CADPS: variants seen among roughly 807,000 people sequenced by gnomAD.
The protein encoded by CADPS is calcium-dependent secretion activator 1.
In CADPS, 57 loss-of-function variants were observed where a neutral mutation model predicts 167.3. The observed-to-expected ratio is 0.34, with a 90% CI of 0.28 to 0.42. The LOEUF (loss-of-function observed/expected upper bound fraction) is 0.42, where lower values mean the gene tolerates loss of function less well. Ranked by LOEUF, CADPS falls within the 20% of genes least tolerant of loss-of-function variation. CADPS has a pLI of 1.00. For synonymous variants in CADPS, 676 were observed against 635.3 expected, an observed-to-expected ratio of 1.06 and a Z score of -0.96; for missense variants, 1,414 against 1,738.1, an observed-to-expected ratio of 0.81 and a Z score of 3.32.
chr3:62,771,893 C>G (rs979295235), intron 1 of CADPS, among the ~76,000 whole-genome samples: 4 of 152,142 alleles, frequency 2.6e-5, no homozygotes, highest in Admixed American at 6.5e-5. Flanking sequence ...GAGGAGAAAA[C>G]GGCATGTTCT....
At chr3:62,687,200 C>T (rs147444432) in intron 3 of CADPS, among the ~76,000 whole-genome samples, 3 of 152,228 alleles carry the variant, frequency 2.0e-5, no homozygotes, top group Non-Finnish European at 2.9e-5. Context: ...CAAATCCCTC[C>T]CATCTGTTCT....
chr3:62,590,908 G>A lies in CADPS; in HGVS notation c.1437+1729C>T, dbSNP rs141265282. Among the ~76,000 whole-genome samples the A allele has an allele frequency of 3.5e-4, 53 of 152,216 alleles. No individual in the cohort carries two copies. In the East Asian group the frequency reaches 0.01, roughly 29 times the overall value. On this transcript the variant is annotated intron_variant, in intron 7 of 29. Transcript: ENST00000383710. ...TCACTCCTGTTGCCCAGGCTAGAGTGCAATGGAGCGATCTTGGCTCATTGC... is the reference window on the plus strand; with the variant it reads ...TCACTCCTGTTGCCCAGGCTAGAGTACAATGGAGCGATCTTGGCTCATTGC...
chr3:62,573,792 T>C (rs1459403420), intron 8 of CADPS, among the ~76,000 whole-genome samples: 1 of 152,188 alleles, frequency 6.6e-6, no homozygotes, highest in South Asian at 2.1e-4. Context: ...TTATTTGTGG[T>C]TATATTTATT....
At chr3:62,409,341 T>C (rs143746733) in intron 28 of CADPS, among the ~76,000 whole-genome samples, 3 of 152,382 alleles carry the variant, frequency 2.0e-5, no homozygotes, top group African/African-American at 7.2e-5. Flanking sequence ...GCTTTGAAGT[T>C]CTCAAAGAAG....
At chr3:62,469,304 C>T (rs73092131) in intron 24 of CADPS, among the ~76,000 whole-genome samples, 2 of 152,272 alleles carry the variant, frequency 1.3e-5, no homozygotes, top group Non-Finnish European at 2.9e-5. Flanking sequence ...GAGTACTCTG[C>T]TTTCACTCCT....
At chr3:62,541,475 A>G (rs1415050827) in intron 11 of CADPS, among the ~76,000 whole-genome samples, 1 of 152,152 alleles carries the variant, frequency 6.6e-6, no homozygotes, top group East Asian at 1.9e-4. Flanking sequence ...AAGAAATTTC[A>G]AGCACTGTCA....
intron 1 of CADPS, among the ~76,000 whole-genome samples, chr3:62,816,234 G>C (rs1009810893): frequency 6.6e-6 from 1 of 152,066 alleles, no homozygotes. Context: ...CATTTTAACT[G>C]TTTCTGAACT....
intron 2 of CADPS, among the ~76,000 whole-genome samples, chr3:62,756,057 CT>C (rs59705571): frequency 1.7e-3 from 242 of 141,950 alleles, no homozygotes; most frequent in East Asian, 3.5e-3. Context: ...TTTTCTTTTT[CT>C]TTTTTTTTTT....
At chr3:62,872,338 C>T (rs1048838044) in intron 1 of CADPS, among the ~76,000 whole-genome samples, 1 of 152,102 alleles carries the variant, frequency 6.6e-6, no homozygotes, top group South Asian at 2.1e-4. Flanking sequence ...GCAAAACACA[C>T]CTCTAGAAAG....
Position 62,421,963 on chromosome 3 carries a change from C to T in CADPS, c.3777+16141G>A, listed in dbSNP as rs2051511472. ...AGCAGGTTGTGTTATTTACATATTT[C>T]TTTTGATAAGCCTCCTTGCCTGGCT... On this transcript the variant is annotated intron_variant, in intron 28 of 29. Transcript: ENST00000383710. This position sits in a 1 kb window ranked among gnomAD's most constrained non-coding sequence, Gnocchi z 4.7. Among the ~76,000 whole-genome samples the T allele has an allele frequency of 6.6e-6, 1 of 152,210 alleles. No individual in the cohort carries two copies. Among genetic ancestry groups the T allele is most frequent in the Non-Finnish European group, 1.5e-5 (1 of 68,034 alleles).
chr3:62,533,565 A>T (rs1299429971), intron 12 of CADPS, among the ~76,000 whole-genome samples: 1 of 152,182 alleles, frequency 6.6e-6, no homozygotes, highest in Non-Finnish European at 1.5e-5. Flanking sequence ...AAAGACAAGA[A>T]AATGGAAATC....
chr3:62,718,805 G>A (rs758249872), intron 3 of CADPS, among the ~76,000 whole-genome samples: 14 of 152,218 alleles, frequency 9.2e-5, no homozygotes, highest in Non-Finnish European at 1.6e-4. Flanking sequence ...TGCTGTGCGT[G>A]GATATCACAT....
intron 9 of CADPS, among the ~76,000 whole-genome samples, chr3:62,558,062 C>T (rs908417840): frequency 6.6e-6 from 1 of 152,224 alleles, no homozygotes; most frequent in Non-Finnish European, 1.5e-5. Flanking sequence ...TTTTGATCAG[C>T]ATCAAACTAC....
chr3:62,858,914 T>C (rs960837973), intron 1 of CADPS, among the ~76,000 whole-genome samples: 1 of 152,186 alleles, frequency 6.6e-6, no homozygotes, highest in African/African-American at 2.4e-5. Context: ...TAGAAAATGT[T>C]TGGATTTTTA....
At chr3:62,509,072 G>A (rs757371918) in intron 17 of CADPS, among the ~76,000 whole-genome samples, 1 of 151,922 alleles carries the variant, frequency 6.6e-6, no homozygotes, top group Non-Finnish European at 1.5e-5. Context: ...GGAGGCCGAG[G>A]TGGGTGGATC....
chr3:62,821,095 G>A (rs2094894066), intron 1 of CADPS, among the ~76,000 whole-genome samples: 1 of 152,088 alleles, frequency 6.6e-6, no homozygotes, highest in Non-Finnish European at 1.5e-5. Flanking sequence ...CACTATGCCT[G>A]GCCTTCTTCC....
At chr3:62,417,425 C>T (rs1447165883) in intron 28 of CADPS, among the ~76,000 whole-genome samples, 1 of 151,498 alleles carries the variant, frequency 6.6e-6, no homozygotes, top group Non-Finnish European at 1.5e-5. Context: ...GCTGGGATTA[C>T]AGGTGTGTGC....
At chr3:62,489,193 G>C (rs2063306184) in intron 21 of CADPS, among the ~76,000 whole-genome samples, 1 of 151,778 alleles carries the variant, frequency 6.6e-6, no homozygotes, top group Admixed American at 6.6e-5. Flanking sequence ...CGGCATCTCG[G>C]TCTGTCACCC....
intron 1 of CADPS, among the ~76,000 whole-genome samples, chr3:62,820,690 C>T (rs180727104): frequency 6.6e-6 from 1 of 152,266 alleles, no homozygotes; most frequent in East Asian, 1.9e-4. Context: ...TGGCACTTTT[C>T]AGCTTCAAGG....
Sources: allele counts gnomAD v4.1 joint callset (sites outside exome capture counted in the v4.1 genomes callset), GRCh38; gene constraint gnomAD v4.1.1; non-coding constraint Gnocchi (gnomAD v3.1); transcripts MANE v1.5; gene names NCBI Gene and HGNC (gene_info 2026-07-23, HGNC 2026-07-21).